Variants in MEX3C observed in about 807,000 individuals in gnomAD.
The protein encoded by MEX3C is mex-3 RNA binding family member C, also known as RNA-binding E3 ubiquitin-protein ligase MEX3C.
A neutral mutation model predicts 35.5 loss-of-function variants in MEX3C; 15 were observed. The ratio of observed to expected loss-of-function variants is 0.42; its 90% CI spans 0.28 to 0.65. The LOEUF (loss-of-function observed/expected upper bound fraction) is 0.65. Ranked by LOEUF, MEX3C falls within the 30% of genes least tolerant of loss-of-function variation. The pLI is 0.20. For missense variants in MEX3C, 711 were observed against 842.8 expected (o/e 0.84, Z 1.94); for synonymous variants, 390 against 352.8 (o/e 1.11, Z -1.18).
chr18:51,185,324 C>A (rs1489741118), intron 1 of MEX3C, among the ~76,000 whole-genome samples: 3 of 152,152 alleles, frequency 2.0e-5, no homozygotes, highest in South Asian at 4.1e-4. Context: ...TCAGAGCGAG[C>A]AATGGAGGCT....
At position 51,194,506 on chromosome 18, in the gene MEX3C, A is replaced by G. The variant is rs1016689532; in HGVS notation, c.754+2061T>C. ...AAAATAAAAACTTGGAATTCACTTT[A>G]CTTTTAAAAAACTGATTTCTATAAA... is the stretch of plus-strand genomic sequence containing the variant. On this transcript the variant is annotated intron_variant, in intron 1 of 1. Coordinates refer to ENST00000406189, the MANE Select transcript of MEX3C (RefSeq NM_016626.5). The G allele has an allele frequency of 2.0e-5, 3 of 152,200 alleles. No homozygotes were observed. The East Asian group carries it at 5.8e-4, about 29-fold the overall frequency. 9.4% of individuals were successfully genotyped at this position (152,200 alleles called of 1,614,324 possible). A position where few individuals can be genotyped will look rare whatever the true frequency, so the allele number is the denominator to read the frequency against.
At chr18:51,184,898 A>C (rs1912505603) in intron 1 of MEX3C, among the ~76,000 whole-genome samples, 1 of 152,140 alleles carries the variant, frequency 6.6e-6, no homozygotes, top group Non-Finnish European at 1.5e-5. Context: ...AGTTTTCAAC[A>C]TAAAATACTG....
chr18:51,196,791 G>A lies in MEX3C; in HGVS notation c.530C>T (p.Ala177Val). 6.6e-7 allele frequency: 1 copy of A among 1,524,818 alleles called. No individual in the cohort carries two copies. Among genetic ancestry groups the A allele is most frequent in the Non-Finnish European group, 8.8e-7 (1 of 1,141,556 alleles). 94.5% of individuals were successfully genotyped at this position (1,524,818 alleles called of 1,614,324 possible). Residue 177 changes from alanine (A) to valine (V), a missense_variant, in exon 1 of 2, where the codon GCG becomes GTG. Around this residue, in one of 4 missense-constraint regions of MEX3C, gnomAD observed 354 missense variants for 311.6 expected, o/e 1.14. Coordinates refer to ENST00000406189, the MANE Select transcript of MEX3C (RefSeq NM_016626.5). ...CCCCGCCGCCGCCGCCGCGGCCGCC[G>A]CCTCCCGGGCATCGAACCTGGCGGC... is the stretch of plus-strand genomic sequence containing the variant. The part of the protein sequence containing the change: ...LPAARFDARE[A>V]AAAAAAAGVL...
At position 51,175,718 on chromosome 18, in the gene MEX3C, C is replaced by T. The variant is rs1171043026; in HGVS notation, c.*633G>A. On this transcript the variant is annotated 3_prime_UTR_variant, in exon 2 of 2. Transcript: ENST00000406189. ...TTCCTGATCCACTGATCATACCAGC[C>T]TTGAGCACTCTGGGCGAGATGAAAG... 6.6e-6 allele frequency: 1 copy of T among 152,552 alleles called. No homozygotes were observed. Among genetic ancestry groups the T allele is most frequent in the African/African-American group, 2.4e-5 (1 of 41,410 alleles). The allele number at this position is 152,552 out of a possible 1,614,324, so 9.4% of individuals were successfully genotyped here.
chr18:51,183,796 A>T (rs954913054), intron 1 of MEX3C, among the ~76,000 whole-genome samples: 7 of 152,192 alleles, frequency 4.6e-5, no homozygotes, highest in Non-Finnish European at 1.0e-4. Flanking sequence ...TGAGCAACAT[A>T]GCAGGACGCT....
chr18:51,181,824 G>A (rs1264233211), intron 1 of MEX3C, among the ~76,000 whole-genome samples: 1 of 152,010 alleles, frequency 6.6e-6, no homozygotes, highest in Non-Finnish European at 1.5e-5. Context: ...TAAATTTTGA[G>A]TCATACATAC....
intron 1 of MEX3C, among the ~76,000 whole-genome samples, chr18:51,182,197 T>C (rs1429281393): frequency 6.6e-6 from 1 of 152,222 alleles, no homozygotes; most frequent in Non-Finnish European, 1.5e-5. Context: ...CACAGGTATG[T>C]ACATATAGGA....
At position 51,196,755 on chromosome 18, in the gene MEX3C, C is replaced by T; in HGVS notation, c.566G>A (p.Gly189Glu). ...AAAAAAGVLY[G>E]GDDAQGMMAA... ...CATCATGCCCTGGGCATCGTCCCCT[C>T]CGTACAGCACCCCCGCCGCCGCCGC... The change falls in exon 1 of 2, where the codon GGA becomes GAA. Residue 189 changes from glycine to glutamate, a missense_variant. Around this residue, in one of 4 missense-constraint regions of MEX3C, gnomAD observed 354 missense variants for 311.6 expected, o/e 1.14. Coordinates refer to ENST00000406189, the MANE Select transcript of MEX3C (RefSeq NM_016626.5). The T allele has an allele frequency of 6.6e-7, 1 of 1,511,502 alleles. No homozygotes were observed. Among genetic ancestry groups the T allele is most frequent in the Non-Finnish European group, 8.8e-7 (1 of 1,131,634 alleles). The allele number at this position is 1,511,502 out of a possible 1,614,324, so 93.6% of individuals were successfully genotyped here.
intron 1 of MEX3C, among the ~76,000 whole-genome samples, chr18:51,181,911 T>C (rs2144550593): frequency 6.6e-6 from 1 of 152,366 alleles, no homozygotes; most frequent in East Asian, 1.9e-4. Flanking sequence ...TACACTTTAC[T>C]AGTCTTAGCA....
In MEX3C at chr18:51,196,776, G is replaced by A; in HGVS notation, c.545C>T (p.Ala182Val). The A allele has an allele frequency of 3.8e-6, 2 of 525,552 alleles. No individual in the cohort carries two copies. The highest frequency in any genetic ancestry group is 2.2e-5 in the African/African-American group (1 of 46,242). 32.6% of individuals were successfully genotyped at this position (525,552 alleles called of 1,614,324 possible). A position where few individuals can be genotyped will look rare whatever the true frequency, so the allele number is the denominator to read the frequency against. Reference protein sequence around the residue: ...FDAREAAAAAAAAGVLYGGDD... With the variant: ...FDAREAAAAAVAAGVLYGGDD... ...CCCTCCGTACAGCACCCCCGCCGCC[G>A]CCGCCGCGGCCGCCGCCTCCCGGGC... The change falls in exon 1 of 2, where the codon GCG (alanine) becomes GTG (valine). Residue 182 changes from alanine (A) to valine (V), a missense_variant. Around this residue, in one of 4 missense-constraint regions of MEX3C, gnomAD observed 354 missense variants for 311.6 expected, o/e 1.14. Transcript: ENST00000406189.
intron 1 of MEX3C, among the ~76,000 whole-genome samples, chr18:51,189,771 A>G (rs1912615565): frequency 6.6e-6 from 1 of 152,172 alleles, no homozygotes; most frequent in African/African-American, 2.4e-5. Context: ...CATACAATGG[A>G]ATTAGATTCA....
intron 1 of MEX3C, among the ~76,000 whole-genome samples, chr18:51,178,979 T>C (rs2144548123): frequency 6.6e-6 from 1 of 151,466 alleles, no homozygotes; most frequent in South Asian, 2.1e-4. Context: ...AATAAATTAA[T>C]ATTCCTATAT....
intron 1 of MEX3C, chr18:51,195,647 G>A (rs1450510895): frequency 1.3e-5 from 2 of 152,144 alleles, no homozygotes; most frequent in African/African-American, 4.8e-5. Flanking sequence ...CTTTCATAAA[G>A]GGGAAATGCT....
In MEX3C at chr18:51,177,562, CTTTAA is replaced by C; in HGVS notation, c.764_768del (p.Ile255SerfsTer17). On this transcript the variant is annotated frameshift_variant, in exon 2 of 2. Transcript: ENST00000406189. LOFTEE classifies it high-confidence loss of function. The surrounding 1 kb of genome is among the most constrained non-coding windows in gnomAD (Gnocchi z 4.2). ...TACGTGTTTGTCTTGGCTCTCAGTGCTTTAATTTTACAACCTGTTAGAAAGAAAAC... is the reference window on the plus strand; with the variant it reads ...TACGTGTTTGTCTTGGCTCTCAGTGCTTTTACAACCTGTTAGAAAGAAAAC... 1 of 1,596,582 alleles carries C rather than the reference CTTTAA, an allele frequency of 6.3e-7. No individual in the cohort carries two copies. The highest frequency in any genetic ancestry group is 8.5e-7 in the Non-Finnish European group (1 of 1,173,498).
At position 51,176,321 on chromosome 18, in the gene MEX3C, G is replaced by A; in HGVS notation, c.*30C>T. The A allele has an allele frequency of 6.5e-7, 1 of 1,548,094 alleles. No individual in the cohort carries two copies. Among genetic ancestry groups the A allele is most frequent in the Non-Finnish European group, 8.7e-7 (1 of 1,145,090 alleles). On this transcript the variant is annotated 3_prime_UTR_variant, in exon 2 of 2. Coordinates refer to ENST00000406189, the MANE Select transcript of MEX3C (RefSeq NM_016626.5). ...ACCCATGCCTTTACGAGTCCATATA[G>A]AGATATAGTATTTATGTATATATAT...
At chr18:51,182,000 T>C (rs1395835001) in intron 1 of MEX3C, among the ~76,000 whole-genome samples, 1 of 152,216 alleles carries the variant, frequency 6.6e-6, no homozygotes, top group East Asian at 1.9e-4. Context: ...GCAGTTTCAC[T>C]TTCTATCATT....
At chr18:51,181,120 TA>T (rs1220542618) in intron 1 of MEX3C, among the ~76,000 whole-genome samples, 2 of 152,216 alleles carry the variant, frequency 1.3e-5, no homozygotes, top group East Asian at 1.9e-4. Flanking sequence ...AACTCGAAGA[TA>T]TTTTTAAAAA....
rs1184029366 is a variant in MEX3C, at chr18:51,177,209, T to A, written c.1122A>T (p.Thr374=). 6.2e-7 allele frequency: 1 copy of A among 1,613,884 alleles called. No individual in the cohort carries two copies. The highest frequency in any genetic ancestry group is 8.5e-7 in the Non-Finnish European group (1 of 1,179,900). The change falls in exon 2 of 2, where the codon ACA becomes ACT. Residue 374 remains threonine, a synonymous_variant. Transcript: ENST00000406189. This position sits in a 1 kb window ranked among gnomAD's most constrained non-coding sequence, Gnocchi z 4.2. ...SRDKEPVFEV[T]GMPENVDRAR... ...CTCGGTCAACATTTTCAGGCATCCCTGTCACTTCAAAGACAGGTTCCTTAT... is the reference window on the plus strand; with the variant it reads ...CTCGGTCAACATTTTCAGGCATCCCAGTCACTTCAAAGACAGGTTCCTTAT...
Position 51,182,058 on chromosome 18 carries a change from C to T in MEX3C, c.755-4482G>A, listed in dbSNP as rs368879244. On this transcript the variant is annotated intron_variant, in intron 1 of 1. Coordinates refer to ENST00000406189, the MANE Select transcript of MEX3C (RefSeq NM_016626.5). ...AGTCCAAATGCAGGTGGGTACAGTA[C>T]AGAATAAAAAGATATTTGAGAGTGA... 3.3e-5 allele frequency among the ~76,000 whole-genome samples: 5 copies of T among 152,106 alleles called. No homozygotes were observed. In the East Asian group the frequency reaches 5.8e-4, roughly 18 times the overall value.
Sources: allele counts gnomAD v4.1 joint callset (sites outside exome capture counted in the v4.1 genomes callset), GRCh38; gene constraint gnomAD v4.1.1; regional missense constraint gnomAD v4.1.1; non-coding constraint Gnocchi (gnomAD v3.1); transcripts MANE v1.5; gene names NCBI Gene and HGNC (gene_info 2026-07-23, HGNC 2026-07-21).